SDK1: variants seen among roughly 807,000 people sequenced by gnomAD.
The protein encoded by SDK1 is sidekick cell adhesion molecule 1, also known as protein sidekick-1.
SDK1 carries 157 observed loss-of-function variants against 245.5 expected under a neutral mutation model. That is an observed-to-expected ratio of 0.64 (90% confidence interval 0.56 to 0.73). SDK1 has a LOEUF of 0.73. Among genes scored for constraint, SDK1 ranks in the 30% least tolerant of loss-of-function variants. The probability of loss-of-function intolerance (pLI) is 0.00; values close to 1 mark genes in which losing one functional copy is unlikely to be tolerated. For synonymous variants in SDK1, 1,647 were observed against 1,278.5 expected, an observed-to-expected ratio of 1.29 and a Z score of -6.15; for missense variants, 3,583 against 3,002.3, an observed-to-expected ratio of 1.19 and a Z score of -4.52.
At chr7:4,028,290 A>G (rs1180677556) in intron 17 of SDK1, among the ~76,000 whole-genome samples, 7 of 152,190 alleles carry the variant, frequency 4.6e-5, no homozygotes, top group Admixed American at 1.3e-4. Flanking sequence ...AATACCAAGG[A>G]CTAATAACCA....
At position 3,476,730 on chromosome 7, in the gene SDK1, A is replaced by G. The variant is rs529592821; in HGVS notation, c.299-142350A>G. Among the ~76,000 whole-genome samples, 4 of 152,220 alleles carry G rather than the reference A, an allele frequency of 2.6e-5. 1 individual carries two copies. In the South Asian group the frequency reaches 8.3e-4, roughly 32 times the overall value. ...CGAATTTTTTCCTCTGTAACCGTTC[A>G]CTGAGGCTGGAGTTTGGTTTGGATG... is the stretch of plus-strand genomic sequence containing the variant. On this transcript the variant is annotated intron_variant, in intron 1 of 44. Transcript: ENST00000404826.
intron 4 of SDK1, among the ~76,000 whole-genome samples, chr7:3,742,557 G>C (rs968122177): frequency 6.6e-6 from 1 of 152,098 alleles, no homozygotes; most frequent in Non-Finnish European, 1.5e-5. Context: ...GCCACCCCTA[G>C]AAGTTCAAAG....
intron 1 of SDK1, among the ~76,000 whole-genome samples, chr7:3,440,785 G>A (rs1042143180): frequency 2.0e-5 from 3 of 152,178 alleles, no homozygotes; most frequent in Admixed American, 1.3e-4. Flanking sequence ...TCTTGCTGTT[G>A]CACCTCAAAC....
intron 14 of SDK1, among the ~76,000 whole-genome samples, chr7:3,994,936 C>A (rs925671941): frequency 9.2e-5 from 14 of 152,128 alleles, no homozygotes; most frequent in African/African-American, 3.4e-4. Context: ...TCCAGAGGAT[C>A]TGCAGAGAAC....
intron 5 of SDK1, among the ~76,000 whole-genome samples, chr7:3,903,811 G>A (rs1781873169): frequency 6.6e-6 from 1 of 152,142 alleles, no homozygotes; most frequent in Non-Finnish European, 1.5e-5. Context: ...TCACGGAAGT[G>A]GGTCCCTCAT....
intron 1 of SDK1, among the ~76,000 whole-genome samples, chr7:3,606,606 T>C (rs1024508083): frequency 6.6e-6 from 1 of 152,154 alleles, no homozygotes; most frequent in Non-Finnish European, 1.5e-5. Flanking sequence ...TCAGCGACTT[T>C]GTACTTGCTT....
intron 7 of SDK1, among the ~76,000 whole-genome samples, chr7:3,957,017 A>G (rs1350285274): frequency 6.6e-6 from 1 of 152,234 alleles, no homozygotes; most frequent in African/African-American, 2.4e-5. Context: ...ATTTTGTATC[A>G]TCAAAGCACA....
chr7:4,220,747 C>G (rs964417691), intron 39 of SDK1, among the ~76,000 whole-genome samples: 12 of 152,022 alleles, frequency 7.9e-5, no homozygotes, highest in African/African-American at 2.4e-4. Flanking sequence ...CCTGCCAGCT[C>G]TTTCAGGCCC....
intron 1 of SDK1, among the ~76,000 whole-genome samples, chr7:3,584,269 A>G (rs1228472937): frequency 6.6e-6 from 1 of 151,940 alleles, no homozygotes; most frequent in Non-Finnish European, 1.5e-5. Context: ...TGACCATGAG[A>G]TCTATTTGAA....
intron 13 of SDK1, among the ~76,000 whole-genome samples, chr7:3,977,432 G>T: frequency 6.6e-6 from 1 of 152,140 alleles, no homozygotes; most frequent in East Asian, 1.9e-4. Flanking sequence ...CACACAGAGG[G>T]TCCTCCAGCT....
rs1298222742 is a variant in SDK1, at chr7:4,163,107, T to G, written c.4800+1251T>G. Among the ~76,000 whole-genome samples, 3 of 152,320 alleles carry G rather than the reference T, an allele frequency of 2.0e-5. No homozygotes were observed. The South Asian group carries it at 6.2e-4, about 32-fold the overall frequency. The stretch of plus-strand genomic sequence containing the variant: ...CAAGCACGAGGGCAGAGTCAAAGTT[T>G]CTGGCCCACAGGGAGGTTCCTGAGG... On this transcript the variant is annotated intron_variant, in intron 32 of 44. Transcript: ENST00000404826.
intron 4 of SDK1, among the ~76,000 whole-genome samples, chr7:3,757,662 C>G (rs1002030529): frequency 6.6e-6 from 1 of 152,208 alleles, no homozygotes; most frequent in East Asian, 1.9e-4. Flanking sequence ...TCTCCAGGCG[C>G]AAGGTGCCCC....
intron 1 of SDK1, among the ~76,000 whole-genome samples, chr7:3,604,800 C>G (rs549441044): frequency 1.8e-3 from 271 of 151,812 alleles, no homozygotes; most frequent in African/African-American, 5.9e-3. Flanking sequence ...CAGGGTTTCT[C>G]CATGTTGGTC....
At chr7:4,125,881 T>G (rs1784365381) in intron 25 of SDK1, among the ~76,000 whole-genome samples, 1 of 152,110 alleles carries the variant, frequency 6.6e-6, no homozygotes, top group East Asian at 1.9e-4. Flanking sequence ...CTTTCACAAG[T>G]GGGACAACTG....
intron 5 of SDK1, among the ~76,000 whole-genome samples, chr7:3,850,723 T>C (rs943226892): frequency 1.3e-5 from 2 of 152,134 alleles, no homozygotes; most frequent in Non-Finnish European, 2.9e-5. Context: ...TGGATGAAGC[T>C]GGAAACCATC....
chr7:4,218,707 C>G (rs1784976924), intron 38 of SDK1, among the ~76,000 whole-genome samples: 1 of 152,132 alleles, frequency 6.6e-6, no homozygotes, highest in African/African-American at 2.4e-5. Context: ...GGCAGGTGGA[C>G]TCAGGACGGT....
intron 2 of SDK1, among the ~76,000 whole-genome samples, chr7:3,636,274 A>G (rs1474263191): frequency 2.6e-5 from 4 of 152,192 alleles, no homozygotes; most frequent in Admixed American, 6.5e-5. Context: ...GTGATACAGT[A>G]TGATTCCTGT....
At chr7:3,714,857 G>A (rs1372689852) in intron 4 of SDK1, among the ~76,000 whole-genome samples, 1 of 152,120 alleles carries the variant, frequency 6.6e-6, no homozygotes, top group Non-Finnish European at 1.5e-5. Context: ...CTAATTAAGT[G>A]CAAATTACAA....
intron 1 of SDK1, among the ~76,000 whole-genome samples, chr7:3,350,640 A>T (rs1780634989): frequency 6.6e-6 from 1 of 152,240 alleles, no homozygotes; most frequent in African/African-American, 2.4e-5. Context: ...CAAGACTAAC[A>T]GTCTTACCTT....
Sources: gnomAD v4.1 joint callset for allele counts (sites outside exome capture counted in the v4.1 genomes callset) on GRCh38, gnomAD v4.1.1 for gene constraint, MANE v1.5 for transcripts, NCBI Gene and HGNC (gene_info 2026-07-23, HGNC 2026-07-21) for gene names.